C1QTNF3: variants seen among roughly 807,000 people sequenced by gnomAD.
C1QTNF3 encodes the protein complement C1q tumor necrosis factor-related protein 3.
Under a neutral mutation model 32.6 loss-of-function variants are expected in C1QTNF3, and 26 were observed. The ratio of observed to expected loss-of-function variants is 0.80; its 90% CI spans 0.58 to 1.11. The LOEUF is 1.11. Among genes scored for constraint, C1QTNF3 ranks in the 50% least tolerant of loss-of-function variants. The pLI is 0.00. For synonymous variants in C1QTNF3, 155 were observed against 146.0 expected (o/e 1.06, Z -0.44); for missense variants, 362 against 398.2 (o/e 0.91, Z 0.77).
chr5:34,157,260 A>G, the C1QTNF3 span, among the ~76,000 whole-genome samples: 3 of 152,230 alleles, frequency 2.0e-5, no homozygotes, highest in Non-Finnish European at 4.4e-5. Context: ...CACAGTAGCC[A>G]CAACTGTATA....
chr5:34,136,121 A>T, the C1QTNF3 span, among the ~76,000 whole-genome samples: 2 of 152,214 alleles, frequency 1.3e-5, no homozygotes, highest in Non-Finnish European at 2.9e-5. Context: ...ACCAAAAGCA[A>T]TGGCAACAAA....
the C1QTNF3 span, among the ~76,000 whole-genome samples, chr5:34,086,888 A>G: frequency 6.6e-6 from 1 of 151,238 alleles, no homozygotes; most frequent in African/African-American, 2.4e-5. Flanking sequence ...AAAATTAGCC[A>G]TGCTTCAGTT....
At chr5:34,212,439 A>G in the C1QTNF3 span, among the ~76,000 whole-genome samples, 2 of 152,006 alleles carry the variant, frequency 1.3e-5, no homozygotes, top group Non-Finnish European at 2.9e-5. Flanking sequence ...CTGCACAGCA[A>G]AAGAAACTAC....
the C1QTNF3 span, among the ~76,000 whole-genome samples, chr5:34,098,538 G>C: frequency 6.6e-6 from 1 of 151,974 alleles, no homozygotes; most frequent in East Asian, 1.9e-4. Context: ...TGAGTTATTT[G>C]TTTGTATCAC....
chr5:34,049,163 C>A, the C1QTNF3 span, among the ~76,000 whole-genome samples: 44 of 152,312 alleles, frequency 2.9e-4, no homozygotes, highest in African/African-American at 1.0e-3. Flanking sequence ...GTATTGGACA[C>A]TGGTGGCTGT....
At chr5:34,147,354 G>A in the C1QTNF3 span, among the ~76,000 whole-genome samples, 1 of 152,166 alleles carries the variant, frequency 6.6e-6, no homozygotes, top group African/African-American at 2.4e-5. Context: ...ATGGACACAT[G>A]TACCTAAATG....
the C1QTNF3 span, chr5:34,175,833 A>T: frequency 1.1e-5 from 9 of 785,296 alleles, no homozygotes; most frequent in Non-Finnish European, 1.9e-5. Flanking sequence ...CTGGTTAGTC[A>T]TGAAATCGGC....
chr5:34,042,723 T>C lies in C1QTNF3; in HGVS notation c.303+100A>G, dbSNP rs1320928060. 3 of 1,221,976 alleles carry C rather than the reference T, an allele frequency of 2.5e-6. No homozygotes were observed. In the African/African-American group the frequency reaches 4.6e-5, roughly 19 times the overall value. The allele number at this position is 1,221,976 out of a possible 1,614,324, so 75.7% of individuals were successfully genotyped here. ...TAGCGAACTTCTCGAAAGCATTCAT[T>C]GATTCTAAGAATCTTAGCCAAAAAA... On this transcript the variant is annotated intron_variant, in intron 1 of 5. Coordinates refer to ENST00000382065, the MANE Select transcript of C1QTNF3 (RefSeq NM_181435.6).
the C1QTNF3 span, among the ~76,000 whole-genome samples, chr5:34,137,147 TAA>T: frequency 6.6e-3 from 939 of 142,224 alleles, 7 homozygotes; most frequent in East Asian, 0.02. Context: ...AAAGTATAAT[TAA>T]AAAAAAAAAA....
At chr5:34,200,613 T>C in the C1QTNF3 span, 2 of 152,274 alleles carry the variant, frequency 1.3e-5, no homozygotes, top group South Asian at 4.1e-4. Context: ...AATCATTAAA[T>C]TTCCATGCGT....
the C1QTNF3 span, among the ~76,000 whole-genome samples, chr5:34,215,261 T>C: frequency 2.0e-5 from 3 of 152,138 alleles, no homozygotes; most frequent in Non-Finnish European, 2.9e-5. Context: ...ACTAGACATA[T>C]GTCCTGTGTA....
At chr5:34,078,972 C>A in the C1QTNF3 span, among the ~76,000 whole-genome samples, 78 of 151,616 alleles carry the variant, frequency 5.1e-4, no homozygotes, top group East Asian at 0.012. The surrounding 1 kb of genome is among the most constrained non-coding windows in gnomAD (Gnocchi z 4.0). Context: ...TTTCCATCTG[C>A]GTTCATCTAT....
rs1754539968 is a variant in C1QTNF3 at position 34,028,742 on chromosome 5, T to C, written c.700+12A>G. 8 of 1,599,210 alleles carry C rather than the reference T, an allele frequency of 5.0e-6. No individual in the cohort carries two copies. The highest frequency in any genetic ancestry group is 1.7e-4 in the Middle Eastern group (1 of 6,018). On this transcript the variant is annotated intron_variant, in intron 4 of 5. Coordinates refer to ENST00000382065, the MANE Select transcript of C1QTNF3 (RefSeq NM_181435.6). The stretch of plus-strand genomic sequence containing the variant: ...TGATTAACTCAATCTTCATCCTATG[T>C]TTCCATCTCACCTGATACTGGGGCC...
the C1QTNF3 span, among the ~76,000 whole-genome samples, chr5:34,207,927 A>T: frequency 6.6e-6 from 1 of 151,986 alleles, no homozygotes; most frequent in Admixed American, 6.6e-5. Flanking sequence ...AGATGGGACT[A>T]CAGGCGCCCG....
At chr5:34,068,545 G>GGA in the C1QTNF3 span, among the ~76,000 whole-genome samples, 11 of 149,134 alleles carry the variant, frequency 7.4e-5, no homozygotes, top group East Asian at 2.0e-4. Context: ...AGAGAGAGAG[G>GGA]GAGAGAGAGA....
chr5:34,168,280 C>CGTGT, the C1QTNF3 span: 3 of 142,674 alleles, frequency 2.1e-5, no homozygotes, highest in African/African-American at 8.5e-5. Context: ...TGTGTGTGTG[C>CGTGT]ATGCGTGTGT....
chr5:34,051,740 G>C, the C1QTNF3 span, among the ~76,000 whole-genome samples: 22 of 152,312 alleles, frequency 1.4e-4, no homozygotes, highest in Non-Finnish European at 2.9e-4. Context: ...ACAATGCCAC[G>C]TCCTAGACAT....
the C1QTNF3 span, among the ~76,000 whole-genome samples, chr5:34,183,385 T>C: frequency 2.5e-4 from 33 of 133,294 alleles, no homozygotes; most frequent in African/African-American, 9.0e-4. Context: ...GGCTGGAGTG[T>C]AGTGCTGCGA....
At chr5:34,063,310 C>T in the C1QTNF3 span, among the ~76,000 whole-genome samples, 1 of 151,438 alleles carries the variant, frequency 6.6e-6, no homozygotes, top group African/African-American at 2.4e-5. Context: ...CTCTCTCTCA[C>T]TTCTCTCTCC....
Sources: gnomAD v4.1 joint callset for allele counts (sites outside exome capture counted in the v4.1 genomes callset) on GRCh38, gnomAD v4.1.1 for gene constraint, Gnocchi (gnomAD v3.1) non-coding constraint, MANE v1.5 for transcripts, NCBI Gene and HGNC (gene_info 2026-07-23, HGNC 2026-07-21) for gene names.